Variants in SYNPO observed in about 807,000 individuals in gnomAD.
SYNPO encodes synaptopodin.
A neutral mutation model predicts 49.5 loss-of-function variants in SYNPO; 19 were observed. The ratio of observed to expected loss-of-function variants is 0.38; its 90% CI spans 0.27 to 0.56. SYNPO has a LOEUF of 0.56. SYNPO is among the 20% of genes least tolerant of loss of function. SYNPO has a pLI of 0.68. For synonymous variants in SYNPO, 536 were observed against 548.0 expected, an observed-to-expected ratio of 0.98 and a Z score of 0.31; for missense variants, 1,131 against 1,248.3, an observed-to-expected ratio of 0.91 and a Z score of 1.42.
intron 1 of SYNPO, among the ~76,000 whole-genome samples, chr5:150,611,506 A>G (rs1756845697): frequency 6.6e-6 from 1 of 152,052 alleles, no homozygotes. Context: ...ACCTCTCACC[A>G]CTACCTCGTG....
rs148438822 is a variant in SYNPO, at chr5:150,612,906, G to A, written c.-265-5197G>A. ...GCACTCCTCCAGCTCAGCCTTTCAA[G>A]TAGCTGGGAGTACAGGTGTGTGCCA... On this transcript the variant is annotated intron_variant, in intron 1 of 2. Transcript: ENST00000394243. Among the ~76,000 whole-genome samples, 873 of 152,288 alleles carry A rather than the reference G, an allele frequency of 5.7e-3. 5 individuals carry two copies. The highest frequency in any genetic ancestry group is 9.1e-3 in the Non-Finnish European group (618 of 68,024).
chr5:150,604,486 G>A (rs1043427250), intron 1 of SYNPO, among the ~76,000 whole-genome samples: 2 of 152,124 alleles, frequency 1.3e-5, no homozygotes, highest in Admixed American at 1.3e-4. Context: ...GGTTTGGTAG[G>A]GGCAGTGTGT....
intron 1 of SYNPO, among the ~76,000 whole-genome samples, chr5:150,613,755 T>C (rs1204705383): frequency 6.6e-6 from 1 of 152,158 alleles, no homozygotes; most frequent in African/African-American, 2.4e-5. Flanking sequence ...CCCTATAGCC[T>C]TCCACCTATA....
the SYNPO span, among the ~76,000 whole-genome samples, chr5:150,591,714 G>A: frequency 6.6e-6 from 1 of 152,184 alleles, no homozygotes; most frequent in African/African-American, 2.4e-5. Flanking sequence ...TAGTAACCAT[G>A]TAAATAAAAT....
At chr5:150,622,080 G>A (rs540222799) in intron 2 of SYNPO, among the ~76,000 whole-genome samples, 63 of 152,368 alleles carry the variant, frequency 4.1e-4, no homozygotes, top group African/African-American at 1.4e-3. Flanking sequence ...AGCTAGGGCT[G>A]GAACCCAGGG....
intron 2 of SYNPO, chr5:150,653,569 G>A (rs1758463016): frequency 6.6e-6 from 1 of 152,262 alleles, no homozygotes; most frequent in Non-Finnish European, 1.5e-5. Flanking sequence ...TGCTCAGGGT[G>A]GCACTGTGGT....
chr5:150,623,191 A>G (rs923086586), intron 2 of SYNPO, among the ~76,000 whole-genome samples: 5 of 152,226 alleles, frequency 3.3e-5, no homozygotes. Context: ...ACAGGTGAAA[A>G]GCATGTTCTT....
intron 1 of SYNPO, among the ~76,000 whole-genome samples, chr5:150,603,687 G>C (rs1335439825): frequency 6.6e-6 from 1 of 152,166 alleles, no homozygotes; most frequent in African/African-American, 2.4e-5. Flanking sequence ...CTTGGGTAGG[G>C]ACGAATTCAC....
the SYNPO span, among the ~76,000 whole-genome samples, chr5:150,592,178 AAAG>A: frequency 2.2e-4 from 34 of 152,218 alleles, no homozygotes; most frequent in Non-Finnish European, 3.5e-4. Flanking sequence ...AAGAAAAGAA[AAAG>A]AAGAAGAAGA....
At chr5:150,586,748 C>T in the SYNPO span, among the ~76,000 whole-genome samples, 1 of 152,078 alleles carries the variant, frequency 6.6e-6, no homozygotes, top group African/African-American at 2.4e-5. Flanking sequence ...ATCCTCAGGC[C>T]CTGGAATATA....
intron 2 of SYNPO, among the ~76,000 whole-genome samples, chr5:150,627,007 G>A (rs773074968): frequency 6.6e-6 from 1 of 152,166 alleles, no homozygotes; most frequent in Non-Finnish European, 1.5e-5. Context: ...CTGGGAGGTG[G>A]GCAGGGCAGG....
intron 1 of SYNPO, among the ~76,000 whole-genome samples, chr5:150,617,201 G>C (rs1221541822): frequency 6.6e-6 from 1 of 152,190 alleles, no homozygotes; most frequent in African/African-American, 2.4e-5. Context: ...GTTTAGAGAG[G>C]TCCTGTGGCT....
rs568472583 is a variant in SYNPO at position 150,618,145 on chromosome 5, G to A, written c.-223G>A. ...TCACACCAGAGACGGGTTAAGAAGA[G>A]GGATTGGAGGTCCACCACTCCACTA... On this transcript the variant is annotated 5_prime_UTR_variant, in exon 2 of 3. Transcript: ENST00000394243. 7.7e-6 allele frequency: 4 copies of A among 518,948 alleles called. No individual in the cohort carries two copies. The East Asian group carries it at 1.3e-4, about 17-fold the overall frequency. 32.1% of individuals were successfully genotyped at this position (518,948 alleles called of 1,614,324 possible).
the SYNPO span, among the ~76,000 whole-genome samples, chr5:150,593,532 G>A: frequency 2.0e-5 from 3 of 152,026 alleles, no homozygotes; most frequent in Non-Finnish European, 2.9e-5. Context: ...TATGATCTCC[G>A]TTCACTGCAA....
the SYNPO span, among the ~76,000 whole-genome samples, chr5:150,589,550 G>A: frequency 6.6e-6 from 1 of 152,216 alleles, no homozygotes; most frequent in Non-Finnish European, 1.5e-5. Context: ...TCACCTTTGA[G>A]CATGTGGGCT....
In SYNPO at chr5:150,656,572, A is replaced by G; in HGVS notation, c.2197A>G (p.Ser733Gly). The G allele has an allele frequency of 6.6e-7, 1 of 1,521,664 alleles. No homozygotes were observed. Among genetic ancestry groups the G allele is most frequent in the East Asian group, 2.6e-5 (1 of 39,122 alleles). 94.3% of individuals were successfully genotyped at this position (1,521,664 alleles called of 1,614,324 possible). The change falls in exon 3 of 3, where the codon AGC becomes GGC. Residue 733 changes from serine to glycine, a missense_variant. Around this residue, in one of 4 missense-constraint regions of SYNPO, gnomAD observed 509 missense variants for 484.5 expected, o/e 1.05. Coordinates refer to ENST00000307662, the MANE Select transcript of SYNPO (RefSeq NM_007286.6). The stretch of plus-strand genomic sequence containing the variant: ...GCCACCGCCCATGTCTCCCTCGTGG[A>G]GCGAGCGCTCGGTGTCCCCGCTGCG... ...PPPPPMSPSW[S>G]ERSVSPLRPE...
In SYNPO at chr5:150,628,254, CT is replaced by C. The variant is rs143628550; in HGVS notation, c.400+9491del. Among the ~76,000 whole-genome samples, 7 of 152,308 alleles carry C rather than the reference CT, an allele frequency of 4.6e-5. No individual in the cohort carries two copies. In the East Asian group the frequency reaches 1.4e-3, roughly 29 times the overall value. ...TGAAATTCCACCAGCCTAGCTTCAGCTTTTCCACTCGGTGAGGCAGGGTCGT... is the reference window on the plus strand; with the variant it reads ...TGAAATTCCACCAGCCTAGCTTCAGCTTTCCACTCGGTGAGGCAGGGTCGT... On this transcript the variant is annotated intron_variant, in intron 2 of 2. Coordinates refer to the SYNPO transcript ENST00000394243.
intron 2 of SYNPO, among the ~76,000 whole-genome samples, chr5:150,632,318 C>A (rs150131931): frequency 6.6e-6 from 1 of 152,306 alleles, no homozygotes; most frequent in African/African-American, 2.4e-5. Flanking sequence ...TGAGTAATTT[C>A]CATGTACTTT....
At chr5:150,623,480 C>A (rs1561641238) in intron 2 of SYNPO, among the ~76,000 whole-genome samples, 1 of 152,176 alleles carries the variant, frequency 6.6e-6, no homozygotes, top group Non-Finnish European at 1.5e-5. Flanking sequence ...GTTAGCGATA[C>A]CCCAACCTGG....
Sources: allele counts gnomAD v4.1 joint callset (sites outside exome capture counted in the v4.1 genomes callset), GRCh38; gene constraint gnomAD v4.1.1; regional missense constraint gnomAD v4.1.1; transcripts MANE v1.5; gene names NCBI Gene and HGNC (gene_info 2026-07-23, HGNC 2026-07-21).